The following ERI1 variants were observed in gnomAD, a reference collection of about 807,000 sequenced individuals.
ERI1 encodes the protein exoribonuclease 1.
Under a neutral mutation model 39.7 loss-of-function variants are expected in ERI1, and 39 were observed. The ratio of observed to expected loss-of-function variants is 0.98; its 90% CI spans 0.76 to 1.28. The LOEUF is 1.28. Among genes scored for constraint, ERI1 ranks in the 50% most tolerant of loss-of-function variants. The probability of loss-of-function intolerance (pLI) is 0.00; values close to 1 mark genes in which losing one functional copy is unlikely to be tolerated. For missense variants in ERI1, 581 were observed against 416.9 expected, an observed-to-expected ratio of 1.39 and a Z score of -3.43; for synonymous variants, 204 against 149.6, an observed-to-expected ratio of 1.36 and a Z score of -2.65.
intron 2 of ERI1, among the ~76,000 whole-genome samples, chr8:9,008,667 T>A (rs1311308327): frequency 6.6e-6 from 1 of 152,236 alleles, no homozygotes; most frequent in African/African-American, 2.4e-5. Context: ...TAGTCAACTG[T>A]ATGTGTATTT....
chr8:9,090,938 G>A (rs965676191), intron 3 of ERI1, among the ~76,000 whole-genome samples: 92 of 152,148 alleles, frequency 6.0e-4, no homozygotes, highest in Non-Finnish European at 1.1e-3. Context: ...TTTATAGTGT[G>A]TAATATTACT....
chr8:9,066,452 G>A (rs1200341900), intron 3 of ERI1, among the ~76,000 whole-genome samples: 1 of 152,180 alleles, frequency 6.6e-6, no homozygotes, highest in Non-Finnish European at 1.5e-5. Context: ...GCTTTTCAGA[G>A]CGGCCAGTGG....
At chr8:9,035,298 A>G (rs1043180506), downstream of ERI1, among the ~76,000 whole-genome samples, 3 of 152,376 alleles carry the variant, frequency 2.0e-5, no homozygotes, top group Middle Eastern at 3.4e-3. Flanking sequence ...AGAAGATAAC[A>G]TCTAGGACTT....
intron 3 of ERI1, among the ~76,000 whole-genome samples, chr8:9,093,859 G>C (rs1435441676): frequency 1.3e-5 from 2 of 152,220 alleles, no homozygotes; most frequent in African/African-American, 2.4e-5. Context: ...TTACAAGCGT[G>C]AGCCATCATG....
At chr8:9,003,995 C>T (rs1815672896) in intron 1 of ERI1, 2 of 967,530 alleles carry the variant, frequency 2.1e-6, no homozygotes. Flanking sequence ...GAGTCACTTC[C>T]ATTTGCTGCT....
chr8:9,082,872 G>A (rs1201013436), intron 3 of ERI1, among the ~76,000 whole-genome samples: 1 of 152,192 alleles, frequency 6.6e-6, no homozygotes, highest in Non-Finnish European at 1.5e-5. Flanking sequence ...GACATGGAAT[G>A]CATTGGAGAA....
intron 3 of ERI1, among the ~76,000 whole-genome samples, chr8:9,038,397 CTG>C (rs1222259405): frequency 6.6e-6 from 1 of 152,220 alleles, no homozygotes; most frequent in Non-Finnish European, 1.5e-5. Context: ...AGGTTTTACT[CTG>C]TATTTTTCTG....
intron 3 of ERI1, among the ~76,000 whole-genome samples, chr8:9,066,911 G>T (rs1798897271): frequency 1.3e-5 from 2 of 152,198 alleles, no homozygotes; most frequent in South Asian, 4.2e-4. Context: ...GAGGGGTGGA[G>T]GAAGCACGAA....
At chr8:9,061,556 A>C (rs1176360059) in intron 3 of ERI1, among the ~76,000 whole-genome samples, 3 of 152,236 alleles carry the variant, frequency 2.0e-5, no homozygotes, top group Non-Finnish European at 4.4e-5. Context: ...AGGCTAAAAC[A>C]GTAAGGTCAA....
intron 3 of ERI1, among the ~76,000 whole-genome samples, chr8:9,085,284 C>T (rs557035047): frequency 7.2e-5 from 11 of 152,290 alleles, no homozygotes; most frequent in African/African-American, 2.2e-4. Context: ...TCTCGACTTA[C>T]TGCAAACTCT....
intron 3 of ERI1, among the ~76,000 whole-genome samples, chr8:9,082,111 G>A (rs1438115629): frequency 6.6e-6 from 1 of 152,118 alleles, no homozygotes; most frequent in Non-Finnish European, 1.5e-5. Flanking sequence ...TATTTCTTAC[G>A]ACTCCAGGAA....
At chr8:9,052,490 C>G (rs1398011974) in intron 3 of ERI1, among the ~76,000 whole-genome samples, 1 of 152,160 alleles carries the variant, frequency 6.6e-6, no homozygotes, top group Admixed American at 6.5e-5. Flanking sequence ...GGTACCGTCA[C>G]TGACACCAGC....
At chr8:9,087,341 G>T in intron 3 of ERI1, among the ~76,000 whole-genome samples, 1 of 151,514 alleles carries the variant, frequency 6.6e-6, no homozygotes, top group Admixed American at 6.6e-5. Flanking sequence ...CGCCTCCCGG[G>T]TTGAAGCCAT....
In ERI1 at chr8:9,018,351, T is replaced by C. The variant is rs1817521792; in HGVS notation, c.637T>C (p.Trp213Arg). 6.2e-7 allele frequency: 1 copy of C among 1,612,536 alleles called. No individual in the cohort carries two copies. Among genetic ancestry groups the C allele is most frequent in the Non-Finnish European group, 8.5e-7 (1 of 1,178,708 alleles). Reference sequence around the variant, plus strand: ...TCAGGTACTAAAAAAAGTAATTGACTGGATGAAATTGAAGGAATTAGGAAC... The same window carrying C: ...TCAGGTACTAAAAAAAGTAATTGACCGGATGAAATTGAAGGAATTAGGAAC... ...FPQVLKKVID[W>R]MKLKELGTKY... The change falls in exon 5 of 7, where the codon TGG becomes CGG. Residue 213 changes from tryptophan (W) to arginine (R), a missense_variant. Trp to Arg is a moderately radical substitution (Grantham distance 101). Transcript: ENST00000250263.
chr8:9,070,447 C>T (rs1019809927), intron 3 of ERI1, among the ~76,000 whole-genome samples: 1 of 152,144 alleles, frequency 6.6e-6, no homozygotes, highest in Admixed American at 6.5e-5. Flanking sequence ...ATGATCCCAC[C>T]ACTGAACTCC....
chr8:9,066,823 C>G (rs1379356810), intron 3 of ERI1, among the ~76,000 whole-genome samples: 1 of 151,940 alleles, frequency 6.6e-6, no homozygotes, highest in African/African-American at 2.4e-5. Flanking sequence ...GTGGTGGCTT[C>G]TATTTTGGGA....
chr8:9,027,758 A>G (rs772386166), intron 6 of ERI1, among the ~76,000 whole-genome samples: 15 of 152,084 alleles, frequency 9.9e-5, no homozygotes, highest in African/African-American at 2.2e-4. Context: ...CATTGATTCA[A>G]TGTATTTGTG....
At chr8:9,055,657 A>C (rs1798483781) in intron 3 of ERI1, among the ~76,000 whole-genome samples, 1 of 152,110 alleles carries the variant, frequency 6.6e-6, no homozygotes, top group African/African-American at 2.4e-5. Context: ...CTGGTGCCTC[A>C]ACCTCCTGAG....
At position 9,092,505 on chromosome 8, in the gene ERI1, G is replaced by C. The variant is rs184079865; in HGVS notation, n.300-23843G>C. ...GTGAAGATGTCAGGAAATAAGATTT[G>C]CTCTTGTCATGGGTAAACAGATAGG... On this transcript the variant is annotated intron_variant and non_coding_transcript_variant, in intron 3 of 3. Transcript: ENST00000518663. 1.2e-4 allele frequency among the ~76,000 whole-genome samples: 19 copies of C among 152,342 alleles called. No individual in the cohort carries two copies. The East Asian group carries it at 3.7e-3, about 29-fold the overall frequency.
Sources: gnomAD v4.1 joint callset for allele counts (sites outside exome capture counted in the v4.1 genomes callset) on GRCh38, gnomAD v4.1.1 for gene constraint, MANE v1.5 for transcripts, NCBI Gene and HGNC (gene_info 2026-07-23, HGNC 2026-07-21) for gene names.